Variants in NCMAP observed in about 807,000 individuals in gnomAD.
NCMAP encodes non-compact myelin associated protein, also known as noncompact myelin-associated protein.
A neutral mutation model predicts 7.8 loss-of-function variants in NCMAP; 8 were observed. That is an observed-to-expected ratio of 1.02 (90% CI 0.60 to 1.84). The LOEUF is 1.84. NCMAP is among the 40% of genes most tolerant of loss of function. The probability of loss-of-function intolerance (pLI) is 0.00; values close to 1 mark genes in which losing one functional copy is unlikely to be tolerated. For synonymous variants in NCMAP, 41 were observed against 52.9 expected, an observed-to-expected ratio of 0.78 and a Z score of 0.98; for missense variants, 112 against 131.4, an observed-to-expected ratio of 0.85 and a Z score of 0.72.
chr1:24,600,626 A>G (rs1652451953), intron 2 of NCMAP, among the ~76,000 whole-genome samples: 5 of 152,330 alleles, frequency 3.3e-5, no homozygotes, highest in Admixed American at 2.6e-4. Flanking sequence ...TATCAAAAGG[A>G]GGGGAGGGTA....
At chr1:24,577,417 T>TTTTTTG (rs796678489) in intron 1 of NCMAP, among the ~76,000 whole-genome samples, 1 of 146,462 alleles carries the variant, frequency 6.8e-6, no homozygotes, top group African/African-American at 2.5e-5. Context: ...TTTTTTTTTT[T>TTTTTTG]TTTTTTTTTT....
At chr1:24,578,333 A>G (rs1651648024) in intron 1 of NCMAP, among the ~76,000 whole-genome samples, 1 of 151,678 alleles carries the variant, frequency 6.6e-6, no homozygotes, top group African/African-American at 2.4e-5. Flanking sequence ...GCTGGCCCTC[A>G]GTCTCCCCAT....
intron 3 of NCMAP, among the ~76,000 whole-genome samples, chr1:24,602,386 C>A (rs958346073): frequency 4.8e-5 from 7 of 147,014 alleles, no homozygotes; most frequent in African/African-American, 1.6e-4. Context: ...ATCGAGACCA[C>A]GGTGAAACCC....
At chr1:24,585,191 C>T (rs185547220) in intron 1 of NCMAP, among the ~76,000 whole-genome samples, 24 of 151,964 alleles carry the variant, frequency 1.6e-4, no homozygotes, top group East Asian at 7.7e-4. Context: ...ACAGGGCAGA[C>T]GGGGTGGGGA....
intron 1 of NCMAP, among the ~76,000 whole-genome samples, chr1:24,580,482 T>C (rs1651712418): frequency 6.6e-6 from 1 of 152,084 alleles, no homozygotes; most frequent in African/African-American, 2.4e-5. Context: ...GATGGAGTCT[T>C]GCTCTGTCAC....
Position 24,576,462 on chromosome 1 carries a change from C to T in NCMAP, c.-7-18962C>T, listed in dbSNP as rs1651563165. On this transcript the variant is annotated intron_variant, in intron 1 of 3. Coordinates refer to ENST00000374392, the MANE Select transcript of NCMAP (RefSeq NM_001010980.5). This position sits in a 1 kb window ranked among gnomAD's most constrained non-coding sequence, Gnocchi z 4.0. Reference sequence around the variant, plus strand: ...CTCTGGAGTCCAGCGGCTGCCAGGCCCAGGCTTGGCAGGAAAGGGGAGGGG... The same window carrying T: ...CTCTGGAGTCCAGCGGCTGCCAGGCTCAGGCTTGGCAGGAAAGGGGAGGGG... Among the ~76,000 whole-genome samples the T allele has an allele frequency of 1.3e-5, 2 of 152,108 alleles. No homozygotes were observed. Among genetic ancestry groups the T allele is most frequent in the Admixed American group, 6.5e-5 (1 of 15,278 alleles).
chr1:24,602,931 T>A (rs1050351942), intron 3 of NCMAP, among the ~76,000 whole-genome samples: 1 of 151,734 alleles, frequency 6.6e-6, no homozygotes, highest in Non-Finnish European at 1.5e-5. Context: ...TCCCAGCTAC[T>A]TGGGAGGCTG....
At chr1:24,560,160 C>CAAAA (rs67052970) in intron 1 of NCMAP, among the ~76,000 whole-genome samples, 41 of 89,564 alleles carry the variant, frequency 4.6e-4, no homozygotes, top group Admixed American at 1.7e-3. Flanking sequence ...GACTCCATCT[C>CAAAA]AAAAAAAAAA....
At chr1:24,596,995 C>T (rs954118053) in intron 2 of NCMAP, among the ~76,000 whole-genome samples, 7 of 152,122 alleles carry the variant, frequency 4.6e-5, no homozygotes, top group Admixed American at 1.3e-4. Flanking sequence ...GTGGTTCTGG[C>T]AGGTGGCTGG....
At chr1:24,601,601 C>A (rs571049298) in intron 3 of NCMAP, among the ~76,000 whole-genome samples, 1 of 152,120 alleles carries the variant, frequency 6.6e-6, no homozygotes, top group Non-Finnish European at 1.5e-5. Context: ...GACCTAGAAG[C>A]CATTTCTTTA....
intron 1 of NCMAP, among the ~76,000 whole-genome samples, chr1:24,592,019 G>A (rs190582110): frequency 2.6e-5 from 4 of 152,202 alleles, no homozygotes; most frequent in African/African-American, 7.2e-5. Context: ...CAGGAAAGCC[G>A]CAGCCCATAG....
At chr1:24,556,298 AG>A (rs1174112485) in intron 1 of NCMAP, 129 bp downstream of exon 1, 1 of 140,910 alleles carries the variant, frequency 7.1e-6, no homozygotes, top group East Asian at 2.1e-4. Flanking sequence ...GGTGGGGACG[AG>A]GGGTCCCCAG....
chr1:24,593,746 C>G (rs191373994), intron 1 of NCMAP, among the ~76,000 whole-genome samples: 1 of 152,160 alleles, frequency 6.6e-6, no homozygotes, highest in African/African-American at 2.4e-5. Context: ...TCAATGTAGA[C>G]CCTTCGTGGG....
intron 1 of NCMAP, among the ~76,000 whole-genome samples, chr1:24,561,408 A>ATC (rs1651048228): frequency 6.6e-6 from 1 of 152,164 alleles, no homozygotes; most frequent in South Asian, 2.1e-4. Context: ...ATATCAAAAC[A>ATC]TCTTCTTCAA....
intron 1 of NCMAP, among the ~76,000 whole-genome samples, chr1:24,568,065 G>A (rs1394514232): frequency 2.0e-5 from 3 of 152,204 alleles, no homozygotes; most frequent in East Asian, 1.9e-4. Context: ...CCTGTGACCC[G>A]TTCACATCCT....
chr1:24,556,393 A>T (rs1360159069), intron 1 of NCMAP, among the ~76,000 whole-genome samples: 1 of 152,148 alleles, frequency 6.6e-6, no homozygotes, highest in Non-Finnish European at 1.5e-5. Context: ...GAGGCTGATC[A>T]TCTCCAGTGG....
rs1433918950 is a variant in NCMAP, at chr1:24,607,562, G to A, written c.*1815G>A. 6.6e-6 allele frequency: 1 copy of A among 152,062 alleles called. No homozygotes were observed. Among genetic ancestry groups the A allele is most frequent in the Non-Finnish European group, 1.5e-5 (1 of 68,028 alleles). 9.4% of individuals were successfully genotyped at this position (152,062 alleles called of 1,614,324 possible). A position where few individuals can be genotyped will look rare whatever the true frequency, so the allele number is the denominator to read the frequency against. On this transcript the variant is annotated 3_prime_UTR_variant, in exon 4 of 4. Transcript: ENST00000374392. Reference sequence around the variant, plus strand: ...CAAATTTTAGGAGTCTCTCCCTCTTGGGGTCAGAAATCCCTTCTGAGGCCA... The same window carrying A: ...CAAATTTTAGGAGTCTCTCCCTCTTAGGGTCAGAAATCCCTTCTGAGGCCA...
At chr1:24,599,647 G>A (rs1190695145) in intron 2 of NCMAP, among the ~76,000 whole-genome samples, 1 of 151,972 alleles carries the variant, frequency 6.6e-6, no homozygotes, top group Non-Finnish European at 1.5e-5. Flanking sequence ...GCACGATCTC[G>A]GCTCACTGAA....
chr1:24,577,401 G>GTTTTTTTTTGTTTTTTTTTT (rs1651605073), intron 1 of NCMAP, among the ~76,000 whole-genome samples: 6 of 39,960 alleles, frequency 1.5e-4, no homozygotes, highest in African/African-American at 3.2e-4. Flanking sequence ...CACTGGCCTT[G>GTTTTTTTTTGTTTTTTTTTT]TTTTTTTTTT....
Sources: gnomAD v4.1 joint callset for allele counts (sites outside exome capture counted in the v4.1 genomes callset) on GRCh38, gnomAD v4.1.1 for gene constraint, Gnocchi (gnomAD v3.1) non-coding constraint, MANE v1.5 for transcripts, NCBI Gene and HGNC (gene_info 2026-07-23, HGNC 2026-07-21) for gene names.